KCNMA1: variants seen among roughly 807,000 people sequenced by gnomAD.
KCNMA1 encodes the protein potassium calcium-activated channel subfamily M alpha 1.
A neutral mutation model predicts 140.0 loss-of-function variants in KCNMA1; 29 were observed. The ratio of observed to expected loss-of-function variants is 0.21; its 90% confidence interval spans 0.15 to 0.28. The LOEUF is 0.28. KCNMA1 is among the 10% of genes least tolerant of loss of function. The pLI, the probability that KCNMA1 is intolerant of heterozygous loss-of-function variation, is 1.00. For synonymous variants in KCNMA1, 612 were observed against 611.9 expected, an observed-to-expected ratio of 1.00 and a Z score of 0.00; for missense variants, 880 against 1,602.2, an observed-to-expected ratio of 0.55 and a Z score of 7.70.
intron 1 of KCNMA1, among the ~76,000 whole-genome samples, chr10:77,531,474 C>T (rs2057593761): frequency 1.3e-5 from 2 of 152,186 alleles, no homozygotes; most frequent in African/African-American, 4.8e-5. Flanking sequence ...AAGGTTTATT[C>T]CCACTCCAGG....
chr10:77,463,758 C>G (rs2154525507), intron 1 of KCNMA1, among the ~76,000 whole-genome samples: 1 of 152,180 alleles, frequency 6.6e-6, no homozygotes, highest in East Asian at 1.9e-4. Context: ...AGAAAATGGG[C>G]TGGGGAAGCA....
At chr10:77,619,960 C>G (rs564106435) in intron 1 of KCNMA1, among the ~76,000 whole-genome samples, 20 of 152,290 alleles carry the variant, frequency 1.3e-4, no homozygotes, top group African/African-American at 4.1e-4. Context: ...CCACCCCCAG[C>G]CTTCTATCAC....
At chr10:77,562,683 T>A (rs2066780046) in intron 1 of KCNMA1, among the ~76,000 whole-genome samples, 2 of 152,178 alleles carry the variant, frequency 1.3e-5, no homozygotes, top group East Asian at 3.8e-4. Context: ...TAGTAATTGA[T>A]CATTTGGGGT....
intron 19 of KCNMA1, among the ~76,000 whole-genome samples, chr10:76,983,924 T>G (rs959607184): frequency 5.9e-5 from 9 of 152,200 alleles, no homozygotes; most frequent in African/African-American, 1.9e-4. Flanking sequence ...GATATAGCTG[T>G]GTCTTTTTTA....
intron 14 of KCNMA1, among the ~76,000 whole-genome samples, chr10:77,072,021 G>C (rs2096233705): frequency 6.6e-6 from 1 of 152,206 alleles, no homozygotes; most frequent in Non-Finnish European, 1.5e-5. Context: ...GAACTTGGCA[G>C]TCAATTAGGT....
chr10:76,883,959 T>C (rs2035727308), downstream of KCNMA1: 3 of 967,094 alleles, frequency 3.1e-6, no homozygotes, highest in Admixed American at 1.2e-4. Flanking sequence ...AATTTATCAT[T>C]AGTCAAATAT....
chr10:76,929,091 CAAAT>C (rs1002234154), intron 23 of KCNMA1, among the ~76,000 whole-genome samples: 9 of 151,746 alleles, frequency 5.9e-5, no homozygotes. Flanking sequence ...ATCTTAAATG[CAAAT>C]AAATAAATAA....
rs534411076 is a variant in KCNMA1 at position 77,240,537 on chromosome 10, T to A, written c.602+10658A>T. On this transcript the variant is annotated intron_variant, in intron 3 of 27. Coordinates refer to ENST00000286628, the MANE Select transcript of KCNMA1 (RefSeq NM_001161352.2). The stretch of plus-strand genomic sequence containing the variant: ...GACCAGAAAGAGAGACAGTTTAGAA[T>A]AGAGGCTGAAAACAGGAGGCCCAAA... Among the ~76,000 whole-genome samples the A allele has an allele frequency of 2.0e-5, 3 of 152,294 alleles. No individual in the cohort carries two copies. The South Asian group carries it at 6.2e-4, about 32-fold the overall frequency.
intron 2 of KCNMA1, among the ~76,000 whole-genome samples, chr10:77,360,899 G>A (rs755586317): frequency 6.6e-5 from 10 of 152,150 alleles, no homozygotes; most frequent in Non-Finnish European, 1.5e-4. Context: ...CCTCCTCACT[G>A]CCAGGATGAG....
rs549663865 is a variant in KCNMA1 at position 77,498,372 on chromosome 10, A to G, written c.379-94349T>C. 2.6e-5 allele frequency among the ~76,000 whole-genome samples: 4 copies of G among 152,368 alleles called. No homozygotes were observed. The East Asian group carries it at 7.7e-4, about 29-fold the overall frequency. On this transcript the variant is annotated intron_variant, in intron 1 of 27. Coordinates refer to ENST00000286628, the MANE Select transcript of KCNMA1 (RefSeq NM_001161352.2). ...AGATACATCCAGAAGAAAACTGGCCAGGGCAGGGGCTTGTCCCTGACACAG... is the reference window on the plus strand; with the variant it reads ...AGATACATCCAGAAGAAAACTGGCCGGGGCAGGGGCTTGTCCCTGACACAG...
intron 5 of KCNMA1, among the ~76,000 whole-genome samples, chr10:77,124,594 G>A (rs990500772): frequency 6.6e-6 from 1 of 152,180 alleles, no homozygotes; most frequent in Non-Finnish European, 1.5e-5. Context: ...AGGGACCCAG[G>A]GTGATGCAGG....
rs1017278983 is a variant in KCNMA1 at position 77,622,283 on chromosome 10, C to A, written c.378+14982G>T. On this transcript the variant is annotated intron_variant, in intron 1 of 27. Coordinates refer to ENST00000286628, the MANE Select transcript of KCNMA1 (RefSeq NM_001161352.2). ...AAGGGACCTCACATCTCTCCAGGAACAACACACCACTCCTCTTTTCAGTCC... is the reference window on the plus strand; with the variant it reads ...AAGGGACCTCACATCTCTCCAGGAAAAACACACCACTCCTCTTTTCAGTCC... Among the ~76,000 whole-genome samples the A allele has an allele frequency of 5.3e-5, 8 of 152,336 alleles. No homozygotes were observed. In the South Asian group the frequency reaches 1.0e-3, roughly 20 times the overall value.
chr10:77,009,851 A>T (rs2090270959), intron 18 of KCNMA1, among the ~76,000 whole-genome samples: 2 of 152,152 alleles, frequency 1.3e-5, no homozygotes, highest in South Asian at 4.1e-4. Flanking sequence ...CCACTGCAGG[A>T]TTCCTCAACC....
intron 19 of KCNMA1, 80 bp from the exon 20 acceptor site, chr10:76,970,147 A>C: frequency 9.3e-7 from 1 of 1,078,246 alleles, no homozygotes; most frequent in Non-Finnish European, 1.4e-6. Context: ...CAAAGGACAC[A>C]CACTCAAGGC....
At chr10:77,535,037 T>C (rs1222044949) in intron 1 of KCNMA1, among the ~76,000 whole-genome samples, 1 of 152,218 alleles carries the variant, frequency 6.6e-6, no homozygotes, top group Non-Finnish European at 1.5e-5. Flanking sequence ...AGGGATGCTA[T>C]AAGGGTCGTG....
At chr10:77,296,959 G>T (rs1379894023) in intron 2 of KCNMA1, among the ~76,000 whole-genome samples, 1 of 151,906 alleles carries the variant, frequency 6.6e-6, no homozygotes, top group African/African-American at 2.4e-5. Context: ...TCCTTCTGGA[G>T]CTTTGGGAAA....
chr10:77,564,046 C>T (rs1459486905), intron 1 of KCNMA1, among the ~76,000 whole-genome samples: 1 of 152,198 alleles, frequency 6.6e-6, no homozygotes, highest in African/African-American at 2.4e-5. Flanking sequence ...GCACATGGCA[C>T]AGTGCCAGGC....
intron 1 of KCNMA1, among the ~76,000 whole-genome samples, chr10:77,488,140 G>T (rs1441271883): frequency 6.6e-6 from 1 of 152,202 alleles, no homozygotes; most frequent in African/African-American, 2.4e-5. Context: ...TCGACAAGAT[G>T]GCAGACAACA....
chr10:77,142,124 T>C (rs2098186838), intron 5 of KCNMA1, among the ~76,000 whole-genome samples: 1 of 152,040 alleles, frequency 6.6e-6, no homozygotes, highest in Admixed American at 6.5e-5. Context: ...TCCCAGCACT[T>C]TGGGAGGCCG....
Sources: gnomAD v4.1 joint callset for allele counts (sites outside exome capture counted in the v4.1 genomes callset) on GRCh38, gnomAD v4.1.1 for gene constraint, MANE v1.5 for transcripts, NCBI Gene and HGNC (gene_info 2026-07-23, HGNC 2026-07-21) for gene names.